The following TPRG1 variants were observed in gnomAD, a reference collection of about 807,000 sequenced individuals.
TPRG1 encodes tumor protein p63 regulated 1.
Under a neutral mutation model 29.3 loss-of-function variants are expected in TPRG1, and 29 were observed. That is an observed-to-expected ratio of 0.99 (90% CI 0.74 to 1.35). The LOEUF is 1.35. TPRG1 is among the 40% of genes most tolerant of loss of function. TPRG1 has a pLI of 0.00. For missense variants in TPRG1, 327 were observed against 335.0 expected (o/e 0.98, Z 0.19); for synonymous variants, 130 against 116.8 (o/e 1.11, Z -0.73).
chr3:189,074,965 C>A (rs1371859725), intron 4 of TPRG1, among the ~76,000 whole-genome samples: 1 of 152,038 alleles, frequency 6.6e-6, no homozygotes, highest in East Asian at 2.0e-4. Flanking sequence ...GCGCCCGCCA[C>A]CACGCCCGGC....
chr3:189,020,559 C>G (rs1224263240), intron 3 of TPRG1, among the ~76,000 whole-genome samples: 1 of 150,898 alleles, frequency 6.6e-6, no homozygotes, highest in Non-Finnish European at 1.5e-5. Flanking sequence ...GATTCTTAAT[C>G]CTGAGTTCTA....
At chr3:189,312,233 G>A (rs1369738194) in intron 5 of TPRG1, among the ~76,000 whole-genome samples, 1 of 130,396 alleles carries the variant, frequency 7.7e-6, no homozygotes, top group Non-Finnish European at 1.6e-5. Context: ...ACGGAGTCTC[G>A]CTCTGTCACC....
At chr3:189,020,100 C>T (rs1057268814) in intron 3 of TPRG1, among the ~76,000 whole-genome samples, 2,003 of 151,948 alleles carry the variant, frequency 0.013, 43 homozygotes, top group African/African-American at 0.046. Flanking sequence ...TTTTTTATTG[C>T]GTCTATTTGA....
At chr3:189,045,307 A>C (rs1007320392) in intron 4 of TPRG1, among the ~76,000 whole-genome samples, 2 of 152,260 alleles carry the variant, frequency 1.3e-5, no homozygotes, top group Non-Finnish European at 2.9e-5. Flanking sequence ...GTCCAGGTCC[A>C]ATCTTCTACT....
At chr3:189,182,863 CAT>C (rs1286680784) in intron 1 of TPRG1, among the ~76,000 whole-genome samples, 2 of 152,092 alleles carry the variant, frequency 1.3e-5, no homozygotes, top group African/African-American at 4.8e-5. Context: ...GATGTTTTGA[CAT>C]ATGTATACAT....
At chr3:189,316,654 T>TC (rs557093380) in intron 5 of TPRG1, among the ~76,000 whole-genome samples, 1 of 151,898 alleles carries the variant, frequency 6.6e-6, no homozygotes, top group Non-Finnish European at 1.5e-5. Context: ...TAATACGATG[T>TC]CCCCCCTGTC....
intron 3 of TPRG1, among the ~76,000 whole-genome samples, chr3:189,233,353 G>C (rs564938637): frequency 6.6e-6 from 1 of 152,296 alleles, no homozygotes; most frequent in South Asian, 2.1e-4. Flanking sequence ...GGGCATCTGT[G>C]ATGATTTGAG....
intron 1 of TPRG1, among the ~76,000 whole-genome samples, chr3:189,102,086 A>G (rs1224594979): frequency 6.6e-6 from 1 of 152,200 alleles, no homozygotes; most frequent in Admixed American, 6.5e-5. Context: ...GGGGGTTTCA[A>G]CCTTGGTCAT....
chr3:189,297,044 C>T (rs895141543), intron 4 of TPRG1, among the ~76,000 whole-genome samples: 84 of 152,144 alleles, frequency 5.5e-4, no homozygotes, highest in African/African-American at 1.9e-3. Context: ...ACAGTGGTGT[C>T]ATCTCAGCTC....
Position 189,143,856 on chromosome 3 carries a change from G to A in TPRG1, c.-290-3728G>A, listed in dbSNP as rs1188284895. Among the ~76,000 whole-genome samples, 6 of 152,306 alleles carry A rather than the reference G, an allele frequency of 3.9e-5. No individual in the cohort carries two copies. In the East Asian group the frequency reaches 1.2e-3, roughly 29 times the overall value. Reference sequence around the variant, plus strand: ...ATGCAGGCTTTTCCAGTAGGAAACAGCTAATGGTGGAAGACTGGGGGCTTG... The same window carrying A: ...ATGCAGGCTTTTCCAGTAGGAAACAACTAATGGTGGAAGACTGGGGGCTTG... On this transcript the variant is annotated intron_variant, in intron 3 of 6. Coordinates refer to the TPRG1 transcript ENST00000412373.
chr3:189,128,634 C>G (rs1280928070), intron 2 of TPRG1, among the ~76,000 whole-genome samples: 1 of 152,086 alleles, frequency 6.6e-6, no homozygotes, highest in Admixed American at 6.5e-5. Context: ...ATTTTGACCT[C>G]ATATCAACAA....
In TPRG1 at chr3:189,161,673, A is replaced by C. The variant is rs574931574; in HGVS notation, c.-10+10801A>C. On this transcript the variant is annotated intron_variant, in intron 5 of 6. Coordinates refer to the TPRG1 transcript ENST00000412373. Reference sequence around the variant, plus strand: ...TATATCATTCTATGAAATGTTTATTAAATATCTATTATATGCCAGCAATAA... The same window carrying C: ...TATATCATTCTATGAAATGTTTATTCAATATCTATTATATGCCAGCAATAA... Among the ~76,000 whole-genome samples, 36 of 152,326 alleles carry C rather than the reference A, an allele frequency of 2.4e-4. 1 individual carries two copies. The highest frequency in any genetic ancestry group is 3.4e-3 in the Middle Eastern group (1 of 294).
chr3:189,292,261 T>TG (rs1719124211), intron 4 of TPRG1, among the ~76,000 whole-genome samples: 1 of 150,080 alleles, frequency 6.7e-6, no homozygotes, highest in Non-Finnish European at 1.5e-5. Flanking sequence ...TTCTGGGTGG[T>TG]GGGACTCAAT....
At chr3:189,026,477 G>T (rs1197847938) in intron 4 of TPRG1, among the ~76,000 whole-genome samples, 2 of 152,176 alleles carry the variant, frequency 1.3e-5, no homozygotes, top group African/African-American at 2.4e-5. Context: ...GGGAGCAAGT[G>T]ATTTTTGCAC....
chr3:189,165,597 C>T (rs992296170), intron 5 of TPRG1, among the ~76,000 whole-genome samples: 4 of 151,884 alleles, frequency 2.6e-5, no homozygotes, highest in Non-Finnish European at 5.9e-5. Context: ...ATGCTGTCTT[C>T]GGGGTGAGAG....
At chr3:189,187,404 T>C (rs1003349626) in intron 1 of TPRG1, among the ~76,000 whole-genome samples, 1 of 152,074 alleles carries the variant, frequency 6.6e-6, no homozygotes, top group African/African-American at 2.4e-5. Flanking sequence ...CCTCCTGGGT[T>C]CAAGCGATTC....
chr3:189,073,120 A>G (rs1560427434), intron 4 of TPRG1, among the ~76,000 whole-genome samples: 1 of 152,178 alleles, frequency 6.6e-6, no homozygotes, highest in Non-Finnish European at 1.5e-5. Flanking sequence ...TGGGTACTAG[A>G]TGTGTTCATT....
intron 1 of TPRG1, among the ~76,000 whole-genome samples, chr3:189,109,415 A>G (rs1427530042): frequency 6.6e-6 from 1 of 152,206 alleles, no homozygotes; most frequent in Non-Finnish European, 1.5e-5. Flanking sequence ...CAAGGGATGC[A>G]GCAACGTGTG....
intron 3 of TPRG1, among the ~76,000 whole-genome samples, chr3:189,236,858 A>G (rs553416320): frequency 1.3e-5 from 2 of 151,946 alleles, no homozygotes; most frequent in African/African-American, 4.8e-5. Flanking sequence ...TCCTAACTGC[A>G]TCTTGCCTAT....
Sources: allele counts gnomAD v4.1 joint callset (sites outside exome capture counted in the v4.1 genomes callset), GRCh38; gene constraint gnomAD v4.1.1; transcripts MANE v1.5; gene names NCBI Gene and HGNC (gene_info 2026-07-23, HGNC 2026-07-21).